The following SPEF2 variants were observed in gnomAD, a reference collection of about 807,000 sequenced individuals.
SPEF2 encodes the protein sperm flagellar and cilia associated 2.
A neutral mutation model predicts 224.6 loss-of-function variants in SPEF2; 187 were observed. The ratio of observed to expected loss-of-function variants is 0.83; its 90% CI spans 0.74 to 0.94. The LOEUF (loss-of-function observed/expected upper bound fraction) is 0.94, where lower values mean the gene tolerates loss of function less well. SPEF2 is among the 40% of genes least tolerant of loss of function. The pLI, the probability that SPEF2 is intolerant of heterozygous loss-of-function variation, is 0.00. For missense variants in SPEF2, 2,170 were observed against 2,135.6 expected (o/e 1.02, Z -0.32); for synonymous variants, 715 against 707.3 (o/e 1.01, Z -0.17).
At chr5:35,741,055 C>T (rs752658427) in intron 23 of SPEF2, among the ~76,000 whole-genome samples, 2 of 152,198 alleles carry the variant, frequency 1.3e-5, no homozygotes, top group Admixed American at 6.5e-5. Context: ...TATTGAGCAT[C>T]TATTATGGTC....
In SPEF2 at chr5:35,644,535, A is replaced by C; in HGVS notation, c.585+10A>C. 4 of 1,579,388 alleles carry C rather than the reference A, an allele frequency of 2.5e-6. No homozygotes were observed. Among genetic ancestry groups the C allele is most frequent in the Non-Finnish European group, 2.6e-6 (3 of 1,165,636 alleles). On this transcript the variant is annotated intron_variant, in intron 4 of 36. Transcript: ENST00000356031. ...TTTTGATATTGAAAAGGTTCTATAG[A>C]ACTATTTTTTCAGAAATTCATTAGT...
rs1221110101 is a variant in SPEF2 at position 35,710,121 on chromosome 5, C to T, written c.2839+1000C>T. ...TAACTACAGGCAAAATACACACATC[C>T]TAAAAAATGTTTTTATCATGTCAAC... On this transcript the variant is annotated intron_variant, in intron 19 of 36. Transcript: ENST00000356031. 6 of 985,170 alleles carry T rather than the reference C, an allele frequency of 6.1e-6. No homozygotes were observed. The African/African-American group carries it at 1.0e-4, about 17-fold the overall frequency. The allele number at this position is 985,170 out of a possible 1,614,324, so 61.0% of individuals were successfully genotyped here.
chr5:35,795,846 CT>C (rs1561378389), intron 33 of SPEF2, 51 bp downstream of exon 33: 1 of 1,479,644 alleles, frequency 6.8e-7, no homozygotes, highest in South Asian at 1.2e-5. Flanking sequence ...TAATCATTTT[CT>C]TTGTGTTTTC....
chr5:35,649,707 C>G (rs1305610780), intron 6 of SPEF2, among the ~76,000 whole-genome samples: 2 of 152,174 alleles, frequency 1.3e-5, no homozygotes, highest in Admixed American at 1.3e-4. Flanking sequence ...TTTAAACATT[C>G]ACTAAAATTG....
intron 15 of SPEF2, 177 bp from the exon 16 acceptor site, chr5:35,700,319 T>G (rs1738350904): frequency 1.6e-6 from 1 of 637,370 alleles, no homozygotes; most frequent in Admixed American, 2.9e-5. Flanking sequence ...AGAAGTATTT[T>G]TAAGCAAGGG....
chr5:35,798,470 C>T (rs187605183), intron 33 of SPEF2, among the ~76,000 whole-genome samples: 80 of 152,090 alleles, frequency 5.3e-4, no homozygotes, highest in Non-Finnish European at 7.6e-4. Flanking sequence ...AACTCCCTGC[C>T]CTCCTCCACG....
intron 21 of SPEF2, among the ~76,000 whole-genome samples, chr5:35,734,520 A>G (rs1746205413): frequency 6.6e-6 from 1 of 151,990 alleles, no homozygotes; most frequent in Non-Finnish European, 1.5e-5. Flanking sequence ...ATATTGGGCC[A>G]CATTCAAAGC....
chr5:35,704,484 A>G (rs1739343666), intron 16 of SPEF2, 70 bp from the exon 17 acceptor site: 8 of 929,930 alleles, frequency 8.6e-6, no homozygotes, highest in Non-Finnish European at 1.4e-5. Flanking sequence ...ATCTTTCACC[A>G]GTATATTTTA....
At chr5:35,759,441 C>T (rs1750914755) in intron 24 of SPEF2, 127 bp from the exon 25 acceptor site, 2 of 837,598 alleles carry the variant, frequency 2.4e-6, no homozygotes, top group African/African-American at 3.5e-5. Flanking sequence ...AATGTTCCTT[C>T]TTATTTCCAG....
At chr5:35,705,527 C>T in intron 17 of SPEF2, 124 bp from the exon 18 acceptor site, 1 of 640,562 alleles carries the variant, frequency 1.6e-6, no homozygotes, top group Non-Finnish European at 2.5e-6. Flanking sequence ...AACATTGTTT[C>T]TTTTTCAGAT....
chr5:35,691,131 C>T lies in SPEF2; in HGVS notation c.1619C>T (p.Ala540Val), dbSNP rs114311414. ...CTGGGCCATATTCTTCACAGGCTAG[C>T]TGAAAAATCTCTTCCTCCTCGAGCG... Reference protein sequence around the residue: ...CILGHILHRLAEKSLPPRAES... With the variant: ...CILGHILHRLVEKSLPPRAES... The change falls in exon 11 of 37, where the codon GCT (alanine) becomes GTT (valine). Residue 540 changes from alanine to valine, a missense_variant. Coordinates refer to ENST00000356031, the MANE Select transcript of SPEF2 (RefSeq NM_024867.4). 2,593 of 1,614,076 alleles carry T rather than the reference C, an allele frequency of 1.6e-3. 29 individuals carry two copies. In the African/African-American group the frequency reaches 0.031, roughly 19 times the overall value.
intron 20 of SPEF2, among the ~76,000 whole-genome samples, chr5:35,722,172 T>C (rs950332742): frequency 6.6e-6 from 1 of 151,848 alleles, no homozygotes; most frequent in Non-Finnish European, 1.5e-5. Flanking sequence ...CAGGGAGATG[T>C]GTTCAATTAC....
intron 2 of SPEF2, among the ~76,000 whole-genome samples, chr5:35,640,367 G>A (rs1057471566): frequency 4.6e-5 from 7 of 152,162 alleles, no homozygotes; most frequent in African/African-American, 1.7e-4. Flanking sequence ...GGAAGGGCAT[G>A]AAAGGACGAC....
chr5:35,769,981 C>T (rs1187281748), intron 26 of SPEF2, among the ~76,000 whole-genome samples: 1 of 132,968 alleles, frequency 7.5e-6, no homozygotes, highest in East Asian at 2.2e-4. Context: ...GTTGCTACTG[C>T]CTCCATAATG....
intron 10 of SPEF2, among the ~76,000 whole-genome samples, chr5:35,689,583 A>G (rs1345071583): frequency 6.6e-6 from 1 of 152,062 alleles, no homozygotes; most frequent in Non-Finnish European, 1.5e-5. Flanking sequence ...TTTAGCTCTC[A>G]CTTGTAAGTG....
intron 2 of SPEF2, among the ~76,000 whole-genome samples, chr5:35,637,003 A>G (rs1283245890): frequency 6.6e-6 from 1 of 151,630 alleles, no homozygotes; most frequent in Non-Finnish European, 1.5e-5. Flanking sequence ...AAAAAAGAAA[A>G]GAAAAGAAAA....
intron 10 of SPEF2, among the ~76,000 whole-genome samples, chr5:35,674,790 A>G (rs569221482): frequency 6.6e-6 from 1 of 152,174 alleles, no homozygotes; most frequent in East Asian, 1.9e-4. Flanking sequence ...CAACATATGA[A>G]TCTGGGGGAG....
In SPEF2 at chr5:35,700,502, A is replaced by T; in HGVS notation, c.2148A>T (p.Ile716=). 6.2e-7 allele frequency: 1 copy of T among 1,610,000 alleles called. No individual in the cohort carries two copies. Among genetic ancestry groups the T allele is most frequent in the Non-Finnish European group, 8.5e-7 (1 of 1,178,030 alleles). Reference sequence around the variant, plus strand: ...TTGTCCTGTTTCAATTTAGTGAGATACCTGTGAATCAAGACTGTATCCTAG... The same window carrying T: ...TTGTCCTGTTTCAATTTAGTGAGATTCCTGTGAATCAAGACTGTATCCTAG... ...VDIIVNAINE[I]PVNQDCILDG... The change falls in exon 16 of 37, where the codon ATA becomes ATT. Residue 716 remains isoleucine (I), a synonymous_variant. Transcript: ENST00000356031.
At chr5:35,684,019 TAGTC>T (rs1284544747) in intron 10 of SPEF2, 3 of 152,318 alleles carry the variant, frequency 2.0e-5, no homozygotes, top group Middle Eastern at 3.4e-3. Flanking sequence ...CTGGGCCTAA[TAGTC>T]AGATGTCTAT....
Sources: gnomAD v4.1 joint callset for allele counts (sites outside exome capture counted in the v4.1 genomes callset) on GRCh38, gnomAD v4.1.1 for gene constraint, MANE v1.5 for transcripts, NCBI Gene and HGNC (gene_info 2026-07-23, HGNC 2026-07-21) for gene names.